TPD52: variants seen among roughly 807,000 people sequenced by gnomAD.
The protein encoded by TPD52 is tumor protein D52, also known as prostate and colon associated protein.
Under a neutral mutation model 31.3 loss-of-function variants are expected in TPD52, and 17 were observed. The ratio of observed to expected loss-of-function variants is 0.54; its 90% CI spans 0.37 to 0.82. TPD52 has a LOEUF of 0.82. Among genes scored for constraint, TPD52 ranks in the 40% least tolerant of loss-of-function variants. The probability of loss-of-function intolerance (pLI) is 0.00; values close to 1 mark genes in which losing one functional copy is unlikely to be tolerated. For missense variants in TPD52, 212 were observed against 240.1 expected (o/e 0.88, Z 0.77); for synonymous variants, 83 against 89.6 (o/e 0.93, Z 0.42).
intron 1 of TPD52, among the ~76,000 whole-genome samples, chr8:80,148,317 A>AGTGTGTGTGTGTGTGTGTGTGTAT (rs1810342415): frequency 2.1e-5 from 3 of 143,888 alleles, no homozygotes; most frequent in African/African-American, 8.0e-5. Flanking sequence ...TTCCTGGCTA[A>AGTGTGTGTGTGTGTGTGTGTGTAT]GTGTGTGTGT....
At chr8:80,081,156 C>CT (rs5892705) in intron 1 of TPD52, among the ~76,000 whole-genome samples, 1,419 of 109,326 alleles carry the variant, frequency 0.013, 25 homozygotes, top group African/African-American at 0.033. Context: ...TTTTCTCTCT[C>CT]TTTTTTTTTT....
intron 1 of TPD52, among the ~76,000 whole-genome samples, chr8:80,149,072 C>T (rs1241649067): frequency 1.3e-5 from 2 of 151,944 alleles, no homozygotes; most frequent in Non-Finnish European, 2.9e-5. Flanking sequence ...TAAAACAAAA[C>T]CAAACAAAAA....
At chr8:80,141,850 C>A (rs1410121102) in intron 1 of TPD52, among the ~76,000 whole-genome samples, 6 of 151,860 alleles carry the variant, frequency 4.0e-5, no homozygotes, top group Non-Finnish European at 8.8e-5. Flanking sequence ...GCAGAGGTTG[C>A]AGTGAGCTGA....
intron 1 of TPD52, among the ~76,000 whole-genome samples, chr8:80,085,052 C>A (rs1259177467): frequency 1.3e-5 from 2 of 152,078 alleles, no homozygotes; most frequent in African/African-American, 4.8e-5. Flanking sequence ...ATACAGTTAG[C>A]AAACAAATCA....
At chr8:80,080,360 T>G in intron 1 of TPD52, 2 of 1,614,174 alleles carry the variant, frequency 1.2e-6, no homozygotes, top group African/African-American at 1.3e-5. Context: ...GAATTTCCAC[T>G]AGGAGACAAG....
At chr8:80,130,676 G>A (rs55857432) in intron 1 of TPD52, among the ~76,000 whole-genome samples, 25,289 of 152,034 alleles carry the variant, frequency 0.17, 3,420 homozygotes, top group African/African-American at 0.37. Context: ...AACATTCTGC[G>A]GCATGACTTA....
chr8:80,161,790 C>A (rs1482415357), intron 1 of TPD52, among the ~76,000 whole-genome samples: 1 of 149,858 alleles, frequency 6.7e-6, no homozygotes. Context: ...AGTGCAGAGG[C>A]ATGATCTTGG....
intron 2 of TPD52, among the ~76,000 whole-genome samples, chr8:80,059,418 C>T (rs963723116): frequency 6.7e-6 from 1 of 150,162 alleles, no homozygotes; most frequent in Non-Finnish European, 1.5e-5. Context: ...AAACTACACC[C>T]AAAGCTAAGA....
intron 1 of TPD52, among the ~76,000 whole-genome samples, chr8:80,111,987 A>G (rs1372561605): frequency 6.6e-6 from 1 of 152,266 alleles, no homozygotes; most frequent in African/African-American, 2.4e-5. Context: ...GTGTGAAATC[A>G]AAACATTAAT....
intron 1 of TPD52, among the ~76,000 whole-genome samples, chr8:80,148,800 G>C (rs1260956123): frequency 5.3e-5 from 8 of 152,148 alleles, no homozygotes; most frequent in Admixed American, 5.2e-4. Flanking sequence ...CATGCTTGAA[G>C]ACTGAAGAAC....
chr8:80,117,975 G>A (rs57796279), intron 1 of TPD52, among the ~76,000 whole-genome samples: 25,651 of 151,614 alleles, frequency 0.17, 3,530 homozygotes, highest in African/African-American at 0.38. Flanking sequence ...CTCGTGATCC[G>A]CCCACCTCAG....
chr8:80,117,059 G>C (rs1807913270), intron 1 of TPD52, among the ~76,000 whole-genome samples: 1 of 152,122 alleles, frequency 6.6e-6, no homozygotes, highest in Non-Finnish European at 1.5e-5. Flanking sequence ...AGTTAACAAA[G>C]ACCGAATGTT....
At chr8:80,158,278 C>T (rs1391527702) in intron 1 of TPD52, among the ~76,000 whole-genome samples, 1 of 151,892 alleles carries the variant, frequency 6.6e-6, no homozygotes, top group African/African-American at 2.4e-5. Flanking sequence ...CTCTTCAACC[C>T]CAACCCAATT....
chr8:80,094,494 A>G (rs1354376767), intron 1 of TPD52, among the ~76,000 whole-genome samples: 2 of 132,240 alleles, frequency 1.5e-5, no homozygotes, highest in Non-Finnish European at 3.3e-5. Flanking sequence ...ATGTATGTAT[A>G]TATAACATGA....
At chr8:80,043,809 T>C (rs1810590327) in intron 6 of TPD52, among the ~76,000 whole-genome samples, 1 of 151,944 alleles carries the variant, frequency 6.6e-6, no homozygotes, top group African/African-American at 2.4e-5. Context: ...GAAGTGAAAA[T>C]GGGAAGGATG....
chr8:80,081,741 A>G (rs542206418), intron 1 of TPD52, among the ~76,000 whole-genome samples: 13 of 151,718 alleles, frequency 8.6e-5, no homozygotes, highest in African/African-American at 2.9e-4. Context: ...TACAGAATAT[A>G]TGCTGGATGA....
intron 1 of TPD52, among the ~76,000 whole-genome samples, chr8:80,093,859 T>C (rs74331331): frequency 0.058 from 8,776 of 152,254 alleles, 354 homozygotes; most frequent in African/African-American, 0.1. Flanking sequence ...CTTTCCTTTA[T>C]AAAGACAATA....
At chr8:80,142,891 C>T (rs7840574) in intron 1 of TPD52, among the ~76,000 whole-genome samples, 1 of 151,454 alleles carries the variant, frequency 6.6e-6, no homozygotes, top group Non-Finnish European at 1.5e-5. Context: ...CACACACATT[C>T]ATGTATTTCC....
intron 1 of TPD52, among the ~76,000 whole-genome samples, chr8:80,165,675 C>T (rs573733087): frequency 6.6e-6 from 1 of 152,312 alleles, no homozygotes; most frequent in Admixed American, 6.5e-5. Flanking sequence ...TAAACTAAAC[C>T]TTACCTTCCT....
Sources: allele counts gnomAD v4.1 joint callset (sites outside exome capture counted in the v4.1 genomes callset), GRCh38; gene constraint gnomAD v4.1.1; transcripts MANE v1.5; gene names NCBI Gene and HGNC (gene_info 2026-07-23, HGNC 2026-07-21).